DPYS: variants seen among roughly 807,000 people sequenced by gnomAD.
The protein encoded by DPYS is dihydropyrimidinase.
DPYS carries 39 observed loss-of-function variants against 50.3 expected under a neutral mutation model. That is an observed-to-expected ratio of 0.78 (90% CI 0.60 to 1.01). The LOEUF (loss-of-function observed/expected upper bound fraction) is 1.01, where lower values mean the gene tolerates loss of function less well. DPYS is among the 50% of genes least tolerant of loss of function. The pLI is 0.00. For synonymous variants in DPYS, 245 were observed against 250.7 expected, an observed-to-expected ratio of 0.98 and a Z score of 0.22; for missense variants, 659 against 680.9, an observed-to-expected ratio of 0.97 and a Z score of 0.36.
chr8:104,453,474 A>G (rs1276143711), intron 1 of DPYS, among the ~76,000 whole-genome samples: 1 of 152,246 alleles, frequency 6.6e-6, no homozygotes, highest in African/African-American at 2.4e-5. Context: ...GCATTAGAAG[A>G]AAGTCCTCTT....
At chr8:104,407,051 AAT>A (rs371195686) in intron 7 of DPYS, among the ~76,000 whole-genome samples, 1 of 152,374 alleles carries the variant, frequency 6.6e-6, no homozygotes, top group African/African-American at 2.4e-5. Flanking sequence ...ATACGATGCT[AAT>A]AAGGAAAAGT....
chr8:104,386,386 A>G (rs1199762771), intron 8 of DPYS, among the ~76,000 whole-genome samples: 2 of 151,852 alleles, frequency 1.3e-5, no homozygotes, highest in Non-Finnish European at 2.9e-5. Flanking sequence ...TACAAAAATT[A>G]TCCAGGTGTG....
At position 104,379,803 on chromosome 8, in the gene DPYS, T is replaced by C. The variant is rs1166983541; in HGVS notation, c.*55A>G. ...TCTCCATGGGTTGACAATGTTTGGC[T>C]GTGAAGGGAATGGCAGCCTCCTTTC... On this transcript the variant is annotated 3_prime_UTR_variant, in exon 10 of 10. Coordinates refer to ENST00000351513, the MANE Select transcript of DPYS (RefSeq NM_001385.3). The C allele has an allele frequency of 2.2e-6, 1 of 456,626 alleles. No homozygotes were observed. The highest frequency in any genetic ancestry group is 4.4e-6 in the Non-Finnish European group (1 of 226,954). 28.3% of individuals were successfully genotyped at this position (456,626 alleles called of 1,614,324 possible). A position where few individuals can be genotyped will look rare whatever the true frequency, so the allele number is the denominator to read the frequency against.
chr8:104,406,437 G>A (rs1413387914), intron 7 of DPYS, among the ~76,000 whole-genome samples: 1 of 152,160 alleles, frequency 6.6e-6, no homozygotes, highest in African/African-American at 2.4e-5. Flanking sequence ...AATGTGGTCA[G>A]GTTTGCAATG....
chr8:104,409,237 C>A (rs187055690), intron 7 of DPYS, among the ~76,000 whole-genome samples: 1,766 of 151,930 alleles, frequency 0.012, 21 homozygotes, highest in Non-Finnish European at 0.017. Flanking sequence ...ATAATCCCAG[C>A]ACTTTGGGAG....
chr8:104,449,771 CT>C (rs902338195), intron 2 of DPYS, among the ~76,000 whole-genome samples: 1 of 152,202 alleles, frequency 6.6e-6, no homozygotes, highest in Non-Finnish European at 1.5e-5. Context: ...TGTCAGCAAA[CT>C]TCCAGAAGTT....
intron 8 of DPYS, among the ~76,000 whole-genome samples, chr8:104,387,262 T>A (rs996436503): frequency 6.6e-5 from 10 of 152,170 alleles, no homozygotes; most frequent in Non-Finnish European, 1.3e-4. Flanking sequence ...TTTGATGATG[T>A]TTACAATTTA....
rs898098890 is a variant in DPYS at position 104,451,535 on chromosome 8, G to C, written c.265-131C>G. On this transcript the variant is annotated intron_variant, in intron 1 of 9. Coordinates refer to ENST00000351513, the MANE Select transcript of DPYS (RefSeq NM_001385.3). ...GTCCAGGAAATTGCAAAAAGATGCT[G>C]CCTGTTTAAATGACCCAGAAGGGCA... 57 of 1,120,950 alleles carry C rather than the reference G, an allele frequency of 5.1e-5. No individual in the cohort carries two copies. In the South Asian group the frequency reaches 7.5e-4, roughly 15 times the overall value. The allele number at this position is 1,120,950 out of a possible 1,614,324, so 69.4% of individuals were successfully genotyped here.
chr8:104,437,192 C>T (rs528712595), intron 4 of DPYS, among the ~76,000 whole-genome samples: 2 of 152,252 alleles, frequency 1.3e-5, no homozygotes, highest in African/African-American at 4.8e-5. Flanking sequence ...AAAGCTCAGT[C>T]GTCAGATTGA....
intron 1 of DPYS, among the ~76,000 whole-genome samples, chr8:104,464,967 T>A (rs1297727904): frequency 3.3e-5 from 5 of 152,214 alleles, no homozygotes; most frequent in Non-Finnish European, 7.3e-5. Flanking sequence ...CAACAATCTG[T>A]CCTACAAAAG....
At chr8:104,463,451 C>T (rs1409905090) in intron 1 of DPYS, among the ~76,000 whole-genome samples, 1 of 152,158 alleles carries the variant, frequency 6.6e-6, no homozygotes, top group East Asian at 1.9e-4. Context: ...GCCACCCTGA[C>T]AAATCTGAAC....
At chr8:104,410,095 G>A (rs939495452) in intron 7 of DPYS, among the ~76,000 whole-genome samples, 3 of 152,122 alleles carry the variant, frequency 2.0e-5, no homozygotes, top group Admixed American at 2.0e-4. Context: ...CTCGATAAAT[G>A]CTTGGTTCAT....
At chr8:104,438,317 A>G (rs1040575809) in intron 4 of DPYS, among the ~76,000 whole-genome samples, 4 of 152,224 alleles carry the variant, frequency 2.6e-5, no homozygotes, top group African/African-American at 9.6e-5. Context: ...TCTTCATGAT[A>G]TGGTAAAGAA....
chr8:104,454,821 G>A (rs1020178827), intron 1 of DPYS, among the ~76,000 whole-genome samples: 2 of 151,948 alleles, frequency 1.3e-5, no homozygotes, highest in Non-Finnish European at 2.9e-5. Flanking sequence ...GATTAGAGAC[G>A]GCTTGGATTT....
intron 8 of DPYS, among the ~76,000 whole-genome samples, chr8:104,390,622 T>G (rs143741329): frequency 0.012 from 1,800 of 152,002 alleles, 32 homozygotes; most frequent in African/African-American, 0.039. Context: ...CTCAGCCTCC[T>G]AAGTAGCTGG....
intron 7 of DPYS, among the ~76,000 whole-genome samples, chr8:104,400,543 C>G (rs953294216): frequency 6.6e-5 from 10 of 152,240 alleles, no homozygotes; most frequent in Non-Finnish European, 1.5e-4. Flanking sequence ...TTGGCCTGCT[C>G]TGGCAGCAAC....
intron 8 of DPYS, among the ~76,000 whole-genome samples, chr8:104,383,723 G>A (rs1275696564): frequency 6.6e-6 from 1 of 151,516 alleles, no homozygotes; most frequent in Non-Finnish European, 1.5e-5. Flanking sequence ...TATCTCAGCC[G>A]CCCAAGTAGC....
chr8:104,427,819 T>C (rs1274351981), intron 6 of DPYS, among the ~76,000 whole-genome samples, 161 bp downstream of exon 6: 1 of 152,216 alleles, frequency 6.6e-6, no homozygotes, highest in Non-Finnish European at 1.5e-5. Flanking sequence ...TACTGAGGGA[T>C]GGAATGGTGG....
intron 4 of DPYS, among the ~76,000 whole-genome samples, chr8:104,442,901 A>C (rs1390652239): frequency 6.6e-6 from 1 of 152,196 alleles, no homozygotes; most frequent in Non-Finnish European, 1.5e-5. Flanking sequence ...GTCTCTACAA[A>C]AAGTTTAAAA....
Sources: gnomAD v4.1 joint callset for allele counts (sites outside exome capture counted in the v4.1 genomes callset) on GRCh38, gnomAD v4.1.1 for gene constraint, MANE v1.5 for transcripts, NCBI Gene and HGNC (gene_info 2026-07-23, HGNC 2026-07-21) for gene names.